The following DOCK5 variants were observed in gnomAD, a reference collection of about 807,000 sequenced individuals.
DOCK5 encodes the protein dedicator of cytokinesis protein 5.
In DOCK5, 142 loss-of-function variants were observed where a neutral mutation model predicts 251.8. The ratio of observed to expected loss-of-function variants is 0.56; its 90% CI spans 0.49 to 0.65. The LOEUF (loss-of-function observed/expected upper bound fraction) is 0.65, where lower values mean the gene tolerates loss of function less well. Ranked by LOEUF, DOCK5 falls within the 30% of genes least tolerant of loss-of-function variation. The pLI is 0.00. For synonymous variants in DOCK5, 842 were observed against 835.5 expected (o/e 1.01, Z -0.13); for missense variants, 2,111 against 2,312.3 (o/e 0.91, Z 1.79).
At chr8:25,405,175 T>C (rs1801502420) in intron 48 of DOCK5, among the ~76,000 whole-genome samples, 1 of 152,148 alleles carries the variant, frequency 6.6e-6, no homozygotes, top group African/African-American at 2.4e-5. Context: ...CTGATTTTTT[T>C]ATGTAGTTAT....
At chr8:25,264,080 C>T (rs188905072) in intron 2 of DOCK5, among the ~76,000 whole-genome samples, 12 of 152,008 alleles carry the variant, frequency 7.9e-5, no homozygotes, top group African/African-American at 2.7e-4. Context: ...ATATATCATT[C>T]GTCTGGGTGC....
intron 1 of DOCK5, among the ~76,000 whole-genome samples, chr8:25,204,588 G>A (rs1801956732): frequency 6.6e-6 from 1 of 152,174 alleles, no homozygotes; most frequent in Non-Finnish European, 1.5e-5. Context: ...TGAACTTTCT[G>A]CCTGAAGACT....
chr8:25,392,174 C>A (rs139353778), intron 43 of DOCK5, among the ~76,000 whole-genome samples, 194 bp downstream of exon 43: 1 of 152,012 alleles, frequency 6.6e-6, no homozygotes, highest in Non-Finnish European at 1.5e-5. Context: ...CGTGGTGGCA[C>A]GCACCTGTAG....
Position 25,199,194 on chromosome 8 carries a change from G to A in DOCK5, c.43+14243G>A, listed in dbSNP as rs940235357. ...CATCACTGTGTTTTGCAAAGTAAAC[G>A]TTTAAGGGGTGAAGAAAGGGTCATG... On this transcript the variant is annotated intron_variant, in intron 1 of 51. Transcript: ENST00000276440. Among the ~76,000 whole-genome samples, 27 of 152,110 alleles carry A rather than the reference G, an allele frequency of 1.8e-4. 1 individual carries two copies. The highest frequency in any genetic ancestry group is 7.2e-4 in the Admixed American group (11 of 15,264).
intron 3 of DOCK5, 23 bp from the exon 4 acceptor site, chr8:25,275,363 A>T: frequency 6.3e-7 from 1 of 1,587,042 alleles, no homozygotes; most frequent in Non-Finnish European, 8.5e-7. Context: ...ATGGCCATAT[A>T]ACCAAAATTC....
chr8:25,213,955 G>A (rs987755607), intron 1 of DOCK5, among the ~76,000 whole-genome samples: 2 of 152,144 alleles, frequency 1.3e-5, no homozygotes, highest in African/African-American at 4.8e-5. Context: ...TAGAATATTT[G>A]TGTATACATA....
intron 42 of DOCK5, 102 bp downstream of exon 42, chr8:25,390,389 T>C (rs1353204081): frequency 1.2e-5 from 13 of 1,063,552 alleles, no homozygotes; most frequent in Non-Finnish European, 1.7e-5. Flanking sequence ...GGAGTATTGC[T>C]CGAAGCCAGG....
At chr8:25,304,078 T>A (rs1804836761) in intron 10 of DOCK5, among the ~76,000 whole-genome samples, 177 bp from the exon 11 acceptor site, 1 of 152,214 alleles carries the variant, frequency 6.6e-6, no homozygotes, top group African/African-American at 2.4e-5. Context: ...CATGAGTCAC[T>A]TTTTTGCTGG....
intron 25 of DOCK5, among the ~76,000 whole-genome samples, chr8:25,344,041 C>A (rs1718794891): frequency 1.3e-5 from 2 of 152,156 alleles, no homozygotes; most frequent in South Asian, 4.1e-4. Flanking sequence ...CTCCTGACCT[C>A]AGGTGATCCA....
chr8:25,359,731 C>T (rs1467656953), intron 28 of DOCK5, among the ~76,000 whole-genome samples: 5 of 152,214 alleles, frequency 3.3e-5, no homozygotes, highest in South Asian at 2.1e-4. Context: ...ACCATTCCTG[C>T]CCCCATCCGT....
intron 1 of DOCK5, among the ~76,000 whole-genome samples, chr8:25,230,914 C>A (rs1398153767): frequency 1.3e-5 from 2 of 152,034 alleles, no homozygotes; most frequent in Non-Finnish European, 2.9e-5. Flanking sequence ...AGAACAGTAG[C>A]AAAAGTACCT....
chr8:25,273,389 A>G (rs1190895891), intron 3 of DOCK5, among the ~76,000 whole-genome samples: 1 of 152,170 alleles, frequency 6.6e-6, no homozygotes, highest in Non-Finnish European at 1.5e-5. Flanking sequence ...CTTGAGGTTA[A>G]GAGTTGAAGA....
intron 36 of DOCK5, 60 bp downstream of exon 36, chr8:25,373,718 T>G: frequency 6.7e-7 from 1 of 1,483,418 alleles, no homozygotes. Context: ...GATTGATTTC[T>G]TCAGTAAACA....
intron 22 of DOCK5, among the ~76,000 whole-genome samples, chr8:25,338,821 T>C (rs993335302): frequency 1.3e-5 from 2 of 152,170 alleles, no homozygotes; most frequent in Non-Finnish European, 2.9e-5. Context: ...AAAACCTGAG[T>C]GTGAAATTAA....
chr8:25,363,071 A>C lies in DOCK5; in HGVS notation c.2974A>C (p.Met992Leu). The C allele has an allele frequency of 6.2e-7, 1 of 1,613,918 alleles. No individual in the cohort carries two copies. Among genetic ancestry groups the C allele is most frequent in the Non-Finnish European group, 8.5e-7 (1 of 1,179,864 alleles). ...IIDFLMETFI[M>L]FKDLIGKNVY... is the part of the protein sequence containing the mutation. ...GGACTTCCTCATGGAAACTTTTATC[A>C]TGTTCAAGGACCTGATTGGAAAGAA... The change falls in exon 29 of 52, where the codon ATG (methionine) becomes CTG (leucine). Residue 992 changes from methionine (M) to leucine (L), a missense_variant. Physicochemically the swap from Met to Leu is conservative, Grantham distance 15 (BLOSUM62 2). Transcript: ENST00000276440.
chr8:25,389,250 A>T lies in DOCK5; in HGVS notation c.4273+18A>T. 1 of 1,609,902 alleles carries T rather than the reference A, an allele frequency of 6.2e-7. No homozygotes were observed. Among genetic ancestry groups the T allele is most frequent in the Admixed American group, 1.7e-5 (1 of 59,916 alleles). On this transcript the variant is annotated intron_variant, in intron 41 of 51. Transcript: ENST00000276440. Reference sequence around the variant, plus strand: ...CAAGCAGTGTATCCTTTCCGGGGGGAGTATGGCCCCGAGGCTCTTATGGCT... The same window carrying T: ...CAAGCAGTGTATCCTTTCCGGGGGGTGTATGGCCCCGAGGCTCTTATGGCT...
At chr8:25,229,905 T>G (rs537765411) in intron 1 of DOCK5, among the ~76,000 whole-genome samples, 2 of 152,206 alleles carry the variant, frequency 1.3e-5, no homozygotes, top group Non-Finnish European at 2.9e-5. Context: ...AATGTGGCCC[T>G]TGAAAAAAAT....
At chr8:25,348,750 A>T (rs1800413427) in intron 26 of DOCK5, among the ~76,000 whole-genome samples, 1 of 151,900 alleles carries the variant, frequency 6.6e-6, no homozygotes, top group South Asian at 2.1e-4. Context: ...AGGCGGGAGA[A>T]TCACTTGAAC....
At chr8:25,243,580 C>T (rs1803014202) in intron 1 of DOCK5, 94 bp from the exon 2 acceptor site, 3 of 1,170,536 alleles carry the variant, frequency 2.6e-6, no homozygotes, top group Admixed American at 2.1e-5. Flanking sequence ...CCACCCACCT[C>T]ACCCTCTCAA....
Sources: gnomAD v4.1 joint callset for allele counts (sites outside exome capture counted in the v4.1 genomes callset) on GRCh38, gnomAD v4.1.1 for gene constraint, MANE v1.5 for transcripts, NCBI Gene and HGNC (gene_info 2026-07-23, HGNC 2026-07-21) for gene names.